Variants in KIF1A observed in about 807,000 individuals in gnomAD.
KIF1A encodes kinesin-like protein KIF1A.
Under a neutral mutation model 227.3 loss-of-function variants are expected in KIF1A, and 46 were observed. That is an observed-to-expected ratio of 0.20 (90% CI 0.16 to 0.26). KIF1A has a LOEUF of 0.26. Among genes scored for constraint, KIF1A ranks in the 10% least tolerant of loss-of-function variants. The probability of loss-of-function intolerance (pLI) is 1.00; values close to 1 mark genes in which losing one functional copy is unlikely to be tolerated. For missense variants in KIF1A, 1,683 were observed against 2,485.9 expected (o/e 0.68, Z 6.87); for synonymous variants, 1,022 against 1,012.8 (o/e 1.01, Z -0.17).
intron 28 of KIF1A, among the ~76,000 whole-genome samples, chr2:240,747,802 G>T (rs186887758): frequency 3.9e-5 from 6 of 152,160 alleles, no homozygotes; most frequent in Non-Finnish European, 8.8e-5. Context: ...CAGGCCTGCC[G>T]GTGCATGCGC....
At chr2:240,808,509 A>AT (rs35916226) in intron 1 of KIF1A, among the ~76,000 whole-genome samples, 9 of 22,708 alleles carry the variant, frequency 4.0e-4, no homozygotes, top group Admixed American at 3.5e-3. Flanking sequence ...AAAAAAAAAA[A>AT]TTTTTTTTTT....
Position 240,758,579 on chromosome 2 carries a change from G to A in KIF1A, c.2445-82C>T, listed in dbSNP as rs1575583869. On this transcript the variant is annotated intron_variant, in intron 25 of 48. Coordinates refer to ENST00000498729, the MANE Select transcript of KIF1A (RefSeq NM_001244008.2). The surrounding 1 kb of genome is among the most constrained non-coding windows in gnomAD (Gnocchi z 5.2). Reference sequence around the variant, plus strand: ...CGCACACCCTTATCTCCTGGGGACAGTGGGCTCAGCCTAGCTCTGGCCACC... The same window carrying A: ...CGCACACCCTTATCTCCTGGGGACAATGGGCTCAGCCTAGCTCTGGCCACC... 9 of 1,388,492 alleles carry A rather than the reference G, an allele frequency of 6.5e-6. No homozygotes were observed. In the East Asian group the frequency reaches 2.1e-4, roughly 32 times the overall value. The allele number at this position is 1,388,492 out of a possible 1,614,324, so 86.0% of individuals were successfully genotyped here.
At chr2:240,748,994 C>A (rs1012992062) in intron 28 of KIF1A, among the ~76,000 whole-genome samples, 17 of 151,990 alleles carry the variant, frequency 1.1e-4, no homozygotes, top group Admixed American at 5.2e-4. Flanking sequence ...GATGACGCAC[C>A]CCTGTAGTCC....
At chr2:240,773,857 C>T (rs1261940165) in intron 12 of KIF1A, among the ~76,000 whole-genome samples, 7 of 151,888 alleles carry the variant, frequency 4.6e-5, no homozygotes, top group Non-Finnish European at 1.0e-4. Flanking sequence ...CCTCTGCTAT[C>T]TAAAAATCCC....
At chr2:240,774,488 T>G (rs1212209278) in intron 11 of KIF1A, among the ~76,000 whole-genome samples, 1 of 148,422 alleles carries the variant, frequency 6.7e-6, no homozygotes, top group Non-Finnish European at 1.5e-5. Context: ...CCGCTATTAT[T>G]TCTCTTTTAC....
Position 240,782,967 on chromosome 2 carries a change from C to T in KIF1A, c.864+77G>A, listed in dbSNP as rs182990392. The T allele has an allele frequency of 5.0e-5, 60 of 1,210,038 alleles. No homozygotes were observed. The African/African-American group carries it at 6.1e-4, about 12-fold the overall frequency. 75.0% of individuals were successfully genotyped at this position (1,210,038 alleles called of 1,614,324 possible). ...ACCTCCCAGACACAGGGCCCGGAAA[C>T]GAGGGTGACAGGGGCAGGATGGGGC... On this transcript the variant is annotated intron_variant, in intron 9 of 48. Transcript: ENST00000498729.
Position 240,766,987 on chromosome 2 carries a change from T to C in KIF1A, c.1612A>G (p.Ile538Val). Residue 538 changes from isoleucine to valine, a missense_variant, in exon 19 of 49, where the codon ATT becomes GTT. By Grantham distance (29) the Ile-to-Val change is conservative. Transcript: ENST00000498729. This position sits in a 1 kb window ranked among gnomAD's most constrained non-coding sequence, Gnocchi z 5.0. ...TTGATGAAGTGCCCACTCAGAACAA[T>C]GTCCTGCCGCCTCTCGCCATCCTCC... ...GREDGERRQD[I>V]VLSGHFIKEE... The C allele has an allele frequency of 1.2e-6, 2 of 1,612,078 alleles. No homozygotes were observed. Among genetic ancestry groups the C allele is most frequent in the Middle Eastern group, 1.7e-4 (1 of 6,058 alleles).
chr2:240,743,756 G>A (rs2048271440), intron 33 of KIF1A, among the ~76,000 whole-genome samples, 186 bp downstream of exon 33: 1 of 152,220 alleles, frequency 6.6e-6, no homozygotes, highest in African/African-American at 2.4e-5. Flanking sequence ...GAAGCTGCAG[G>A]CAGGCCCAGA....
At chr2:240,731,672 C>T (rs2046618928) in intron 38 of KIF1A, among the ~76,000 whole-genome samples, 1 of 152,208 alleles carries the variant, frequency 6.6e-6, no homozygotes, top group African/African-American at 2.4e-5. Flanking sequence ...TGCTCATGGG[C>T]TCCTTTTGTG....
At chr2:240,785,479 C>T (rs893000883) in intron 6 of KIF1A, among the ~76,000 whole-genome samples, 5 of 152,198 alleles carry the variant, frequency 3.3e-5, no homozygotes, top group African/African-American at 4.8e-5. Context: ...CCCACACCCG[C>T]GGCTCTGGGA....
At chr2:240,810,705 A>G (rs945216338) in intron 1 of KIF1A, among the ~76,000 whole-genome samples, 1 of 152,146 alleles carries the variant, frequency 6.6e-6, no homozygotes, top group African/African-American at 2.4e-5. Context: ...TTTCAAACAC[A>G]CAAGCAGCAC....
intron 38 of KIF1A, among the ~76,000 whole-genome samples, chr2:240,729,689 C>A (rs1377786673): frequency 1.3e-5 from 2 of 152,272 alleles, no homozygotes; most frequent in Non-Finnish European, 2.9e-5. Flanking sequence ...GAGAATTTCT[C>A]AGTTCAGGTA....
In KIF1A at chr2:240,810,642, G is replaced by T. The variant is rs566061709; in HGVS notation, c.-61+9480C>A. Among the ~76,000 whole-genome samples the T allele has an allele frequency of 3.7e-4, 57 of 152,306 alleles. 1 individual carries two copies. The South Asian group carries it at 7.7e-3, about 21-fold the overall frequency. On this transcript the variant is annotated intron_variant, in intron 1 of 48. Transcript: ENST00000498729. Reference sequence around the variant, plus strand: ...CAAAAAGAATGGAGACAGCCCAAATGCCCAGCATCCAAGATGCAGATGAAT... The same window carrying T: ...CAAAAAGAATGGAGACAGCCCAAATTCCCAGCATCCAAGATGCAGATGAAT...
intron 38 of KIF1A, among the ~76,000 whole-genome samples, chr2:240,727,260 G>T (rs528803754): frequency 1.3e-5 from 2 of 152,320 alleles, no homozygotes; most frequent in African/African-American, 4.8e-5. Flanking sequence ...AGGGCAGAGA[G>T]GGAAGGGAGG....
intron 42 of KIF1A, among the ~76,000 whole-genome samples, chr2:240,723,204 G>T (rs924189012): frequency 2.6e-5 from 4 of 152,186 alleles, no homozygotes; most frequent in African/African-American, 9.7e-5. Flanking sequence ...ATGCCTCTGT[G>T]CTACACTGGC....
At chr2:240,781,462 T>A (rs1229885329) in intron 10 of KIF1A, among the ~76,000 whole-genome samples, 12 of 5,648 alleles carry the variant, frequency 2.1e-3, no homozygotes, top group African/African-American at 0.015. Flanking sequence ...CACACACAGC[T>A]CCACACACAC....
rs773007973 is a variant in KIF1A, at chr2:240,740,162, G to A, written c.3817-20C>T. On this transcript the variant is annotated intron_variant, in intron 36 of 48. Transcript: ENST00000498729. The surrounding 1 kb of genome is among the most constrained non-coding windows in gnomAD (Gnocchi z 6.1). The stretch of plus-strand genomic sequence containing the variant: ...GATGCCCTGCCGGTGCCAGGTGAGA[G>A]GATATGGTCAGACGGCTCAGGGGGC... 11 of 1,588,352 alleles carry A rather than the reference G, an allele frequency of 6.9e-6. No homozygotes were observed. In the Admixed American group the frequency reaches 1.3e-4, roughly 18 times the overall value.
chr2:240,719,176 A>T lies in KIF1A; in HGVS notation c.5044T>A (p.Tyr1682Asn). ...RVSPIVSKKG[Y>N]LHFLEPHTSG... The stretch of plus-strand genomic sequence containing the variant: ...GTGTGCGGCTCCAGGAAGTGCAGGT[A>T]CCCCTTCTTGGAAACGATCGGGCTG... The change falls in exon 47 of 49, where the codon TAC becomes AAC. Residue 1682 changes from tyrosine (Y) to asparagine (N), a missense_variant. Tyr to Asn is a moderately radical substitution (Grantham distance 143). Transcript: ENST00000498729. 1 of 1,606,658 alleles carries T rather than the reference A, an allele frequency of 6.2e-7. No homozygotes were observed. The highest frequency in any genetic ancestry group is 8.5e-7 in the Non-Finnish European group (1 of 1,176,578).
Position 240,779,849 on chromosome 2 carries a change from AGTT to A in KIF1A, c.882+2738_882+2740del, listed in dbSNP as rs367886674. ...CACGCAGCCGCATGCACTGCCTCCC[AGTT>A]GTTGTTTCCCACATGGCTCCACACG... On this transcript the variant is annotated intron_variant, in intron 10 of 48. Transcript: ENST00000498729. Among the ~76,000 whole-genome samples, 460 of 152,152 alleles carry A rather than the reference AGTT, an allele frequency of 3.0e-3. 1 individual carries two copies. Among genetic ancestry groups the A allele is most frequent in the African/African-American group, 0.011 (437 of 41,496 alleles).
Sources: gnomAD v4.1 joint callset for allele counts (sites outside exome capture counted in the v4.1 genomes callset) on GRCh38, gnomAD v4.1.1 for gene constraint, Gnocchi (gnomAD v3.1) non-coding constraint, MANE v1.5 for transcripts, NCBI Gene and HGNC (gene_info 2026-07-23, HGNC 2026-07-21) for gene names.